ADARB2: variants seen among roughly 807,000 people sequenced by gnomAD.
ADARB2 encodes the protein inactive double-stranded RNA-specific editase B2.
In ADARB2, 25 loss-of-function variants were observed where a neutral mutation model predicts 62.2. That is an observed-to-expected ratio of 0.40 (90% CI 0.29 to 0.56). The LOEUF is 0.56. Ranked by LOEUF, ADARB2 falls within the 20% of genes least tolerant of loss-of-function variation. The probability of loss-of-function intolerance (pLI) is 0.43; values close to 1 mark genes in which losing one functional copy is unlikely to be tolerated. For synonymous variants in ADARB2, 572 were observed against 500.8 expected (o/e 1.14, Z -1.90); for missense variants, 1,071 against 1,077.4 (o/e 0.99, Z 0.08).
chr10:1,596,632 C>T (rs532764393), intron 1 of ADARB2, among the ~76,000 whole-genome samples: 4 of 152,148 alleles, frequency 2.6e-5, no homozygotes, highest in Middle Eastern at 3.2e-3. Context: ...GAGGATGGAC[C>T]CGCTGGCTGA....
intron 1 of ADARB2, among the ~76,000 whole-genome samples, chr10:1,606,771 C>G (rs769832934): frequency 1.2e-4 from 18 of 152,164 alleles, no homozygotes; most frequent in Non-Finnish European, 2.5e-4. Context: ...GGGCTGGTAC[C>G]TGCTTCCTGC....
At chr10:1,649,933 A>G (rs1359985443) in intron 1 of ADARB2, among the ~76,000 whole-genome samples, 1 of 152,170 alleles carries the variant, frequency 6.6e-6, no homozygotes, top group Non-Finnish European at 1.5e-5. Flanking sequence ...CTTCCTGAGG[A>G]GCGATGATTA....
At chr10:1,224,791 T>C (rs1290575387) in intron 6 of ADARB2, among the ~76,000 whole-genome samples, 3 of 152,240 alleles carry the variant, frequency 2.0e-5, no homozygotes, top group Non-Finnish European at 4.4e-5. Flanking sequence ...CAGTTTGTTA[T>C]AATTTCGGTT....
intron 4 of ADARB2, among the ~76,000 whole-genome samples, chr10:1,245,569 T>C (rs1830978201): frequency 6.7e-6 from 1 of 148,706 alleles, no homozygotes. Flanking sequence ...TTCCCACCTA[T>C]GAGTGAGGAC....
intron 1 of ADARB2, among the ~76,000 whole-genome samples, chr10:1,626,367 T>C (rs4393239): frequency 0.078 from 3,089 of 39,422 alleles, 93 homozygotes; most frequent in Middle Eastern, 0.2. Flanking sequence ...GGACCTCGGA[T>C]GCTAACCCCA....
chr10:1,363,652 C>A lies in ADARB2; in HGVS notation c.453G>T (p.Val151=), dbSNP rs1194442672. 1.2e-6 allele frequency: 2 copies of A among 1,607,642 alleles called. No homozygotes were observed. The highest frequency in any genetic ancestry group is 4.5e-5 in the East Asian group (2 of 44,428). ...CCGCTACCGCGAAGACCGGGGCATGCACCGGGCCCGTCTGCGACACTGTCC... is the reference window on the plus strand; with the variant it reads ...CCGCTACCGCGAAGACCGGGGCATGAACCGGGCCCGTCTGCGACACTGTCC... The part of the protein sequence containing the change: ...QYRTVSQTGP[V]HAPVFAVAVE... The change falls in exon 3 of 10, where the codon GTG becomes GTT. Residue 151 remains valine (V), a synonymous_variant. Coordinates refer to ENST00000381312, the MANE Select transcript of ADARB2 (RefSeq NM_018702.4).
At chr10:1,385,387 A>T (rs979142207) in intron 1 of ADARB2, among the ~76,000 whole-genome samples, 1 of 152,226 alleles carries the variant, frequency 6.6e-6, no homozygotes. Flanking sequence ...TTAAGAATTT[A>T]AAAATAAAGG....
chr10:1,721,713 CAAT>C (rs1162869584), intron 1 of ADARB2, among the ~76,000 whole-genome samples: 7 of 152,180 alleles, frequency 4.6e-5, no homozygotes, highest in South Asian at 2.1e-4. Flanking sequence ...AATATTATCT[CAAT>C]GATGTGTCTG....
chr10:1,664,757 C>T (rs1463451671), intron 1 of ADARB2, among the ~76,000 whole-genome samples: 1 of 152,166 alleles, frequency 6.6e-6, no homozygotes, highest in Non-Finnish European at 1.5e-5. Context: ...ACGTGGGACT[C>T]CCATGCGGCT....
At chr10:1,233,348 C>A (rs1830827820) in intron 6 of ADARB2, among the ~76,000 whole-genome samples, 1 of 152,206 alleles carries the variant, frequency 6.6e-6, no homozygotes, top group Non-Finnish European at 1.5e-5. Flanking sequence ...GCAAGCAGAG[C>A]CAGTGAGAAT....
chr10:1,193,658 C>T (rs958482157), intron 8 of ADARB2, among the ~76,000 whole-genome samples: 2 of 152,210 alleles, frequency 1.3e-5, no homozygotes, highest in South Asian at 4.1e-4. Context: ...TAGTTAGACT[C>T]TGTCAGTGTT....
At chr10:1,388,039 C>A (rs1462247887) in intron 1 of ADARB2, among the ~76,000 whole-genome samples, 9 of 151,948 alleles carry the variant, frequency 5.9e-5, no homozygotes, top group African/African-American at 1.9e-4. Context: ...GAAAGACATG[C>A]CAAACCTCCA....
chr10:1,462,750 T>A (rs746149266), intron 1 of ADARB2, among the ~76,000 whole-genome samples: 4 of 151,924 alleles, frequency 2.6e-5, no homozygotes, highest in Non-Finnish European at 4.4e-5. Context: ...CCTGTGTGTA[T>A]GTATGCATGT....
intron 1 of ADARB2, among the ~76,000 whole-genome samples, chr10:1,505,379 TTTG>T (rs892222040): frequency 1.4e-5 from 2 of 147,046 alleles, no homozygotes; most frequent in African/African-American, 4.9e-5. Flanking sequence ...TCGGAGGGTT[TTTG>T]TTTTTTTTTT....
chr10:1,518,842 A>C (rs1262107742), intron 1 of ADARB2, among the ~76,000 whole-genome samples: 1 of 151,832 alleles, frequency 6.6e-6, no homozygotes, highest in Non-Finnish European at 1.5e-5. Context: ...ATTCCATGTA[A>C]CGTCTGCCTG....
chr10:1,512,204 A>G (rs1187390080), intron 1 of ADARB2, among the ~76,000 whole-genome samples: 1 of 151,996 alleles, frequency 6.6e-6, no homozygotes, highest in African/African-American at 2.4e-5. Context: ...CAACATATGG[A>G]TGGTGTCTAC....
Position 1,560,453 on chromosome 10 carries a change from C to T in ADARB2, c.100+176598G>A, listed in dbSNP as rs184222684. Among the ~76,000 whole-genome samples, 89 of 150,592 alleles carry T rather than the reference C, an allele frequency of 5.9e-4. 2 individuals carry two copies. The highest frequency in any genetic ancestry group is 1.5e-3 in the African/African-American group (60 of 41,162). ...GAGGCGCACCCTGGGTCGTCACACA[C>T]GCGTGAACACACGGGGGGCACCCTG... On this transcript the variant is annotated intron_variant, in intron 1 of 9. Transcript: ENST00000381312.
rs78006380 is a variant in ADARB2 at position 1,644,453 on chromosome 10, G to A, written c.100+92598C>T. Among the ~76,000 whole-genome samples the A allele has an allele frequency of 4.0e-3, 610 of 152,356 alleles. 2 individuals carry two copies. The highest frequency in any genetic ancestry group is 7.0e-3 in the Non-Finnish European group (475 of 68,032). On this transcript the variant is annotated intron_variant, in intron 1 of 9. Transcript: ENST00000381312. The stretch of plus-strand genomic sequence containing the variant: ...CCTTTGCTATCCAAGCTCGGTCGGG[G>A]GAGCAGGGAGAAGGAGAAGGACAAA...
chr10:1,305,443 A>G (rs1831617919), intron 3 of ADARB2, among the ~76,000 whole-genome samples: 1 of 151,416 alleles, frequency 6.6e-6, no homozygotes, highest in African/African-American at 2.4e-5. Context: ...CCAGGACCAG[A>G]TGGATTCACA....
Sources: gnomAD v4.1 joint callset for allele counts (sites outside exome capture counted in the v4.1 genomes callset) on GRCh38, gnomAD v4.1.1 for gene constraint, MANE v1.5 for transcripts, NCBI Gene and HGNC (gene_info 2026-07-23, HGNC 2026-07-21) for gene names.